NEURL4: variants seen among roughly 807,000 people sequenced by gnomAD.
The protein encoded by NEURL4 is neuralized E3 ubiquitin protein ligase 4.
NEURL4 carries 45 observed loss-of-function variants against 148.0 expected under a neutral mutation model. The ratio of observed to expected loss-of-function variants is 0.30; its 90% confidence interval spans 0.24 to 0.39. The LOEUF is 0.39. Among genes scored for constraint, NEURL4 ranks in the 10% least tolerant of loss-of-function variants. The pLI is 1.00. For missense variants in NEURL4, 1,776 were observed against 2,144.0 expected, an observed-to-expected ratio of 0.83 and a Z score of 3.39; for synonymous variants, 854 against 869.0, an observed-to-expected ratio of 0.98 and a Z score of 0.30.
chr17:7,323,517 C>T lies in NEURL4; in HGVS notation c.2385G>A (p.Met795Ile). The change falls in exon 14 of 29, where the codon ATG becomes ATA. Residue 795 changes from methionine to isoleucine, a missense_variant. Transcript: ENST00000399464. ...RPEDLEFPNT[M>I]TDIDYDTWML... is the part of the protein sequence containing the mutation. ...TCCATGTGTCATAGTCAATGTCTGT[C>T]ATGGTGTTGGGGAATTCCAGGTCTT... 2.5e-6 allele frequency: 4 copies of T among 1,614,222 alleles called. No individual in the cohort carries two copies. Among genetic ancestry groups the T allele is most frequent in the Non-Finnish European group, 2.5e-6 (3 of 1,180,036 alleles).
At position 7,326,888 on chromosome 17, in the gene NEURL4, A is replaced by G; in HGVS notation, c.915T>C (p.Gly305=). The part of the protein sequence containing the change: ...PPAGEGLGSS[G]AATSPILTSN... ...AAGTGAGAATGGGCGAGGTGGCAGCACCGCTAGATCCCAGGCCTTCCCCTG... is the reference window on the plus strand; with the variant it reads ...AAGTGAGAATGGGCGAGGTGGCAGCGCCGCTAGATCCCAGGCCTTCCCCTG... The change falls in exon 4 of 29, where the codon GGT becomes GGC. Residue 305 remains glycine, a synonymous_variant. Coordinates refer to ENST00000399464, the MANE Select transcript of NEURL4 (RefSeq NM_032442.3). This position sits in a 1 kb window ranked among gnomAD's most constrained non-coding sequence, Gnocchi z 6.0. The G allele has an allele frequency of 6.2e-7, 1 of 1,613,986 alleles. No individual in the cohort carries two copies. The highest frequency in any genetic ancestry group is 1.7e-4 in the Middle Eastern group (1 of 6,060).
chr17:7,323,629 CACACAG>C lies in NEURL4; in HGVS notation c.2338+12_2338+17del. On this transcript the variant is annotated intron_variant, in intron 13 of 28. Coordinates refer to ENST00000399464, the MANE Select transcript of NEURL4 (RefSeq NM_032442.3). Reference sequence around the variant, plus strand: ...CACAGACATCCAACAGCCCCCAACACACACAGACGGCCCTCACCAGCCTCAATGGAG... The same window carrying C: ...CACAGACATCCAACAGCCCCCAACACACGGCCCTCACCAGCCTCAATGGAG... 6.2e-7 allele frequency: 1 copy of C among 1,613,708 alleles called. No individual in the cohort carries two copies. The highest frequency in any genetic ancestry group is 8.5e-7 in the Non-Finnish European group (1 of 1,179,746).
rs771297522 is a variant in NEURL4 at position 7,317,583 on chromosome 17, G to A, written c.4206-10C>T. On this transcript the variant is annotated splice_polypyrimidine_tract_variant and intron_variant, in intron 26 of 28. Transcript: ENST00000399464. ...CAGGCGGGGATTCACTCTAGGAGGT[G>A]GACAAGCGGGGCAGATACAACGAAG... The A allele has an allele frequency of 2.5e-6, 4 of 1,612,336 alleles. No homozygotes were observed. The highest frequency in any genetic ancestry group is 2.7e-5 in the African/African-American group (2 of 74,874).
Position 7,324,788 on chromosome 17 carries a change from T to C in NEURL4, c.1813+11A>G. The C allele has an allele frequency of 6.2e-7, 1 of 1,613,952 alleles. No individual in the cohort carries two copies. The highest frequency in any genetic ancestry group is 8.5e-7 in the Non-Finnish European group (1 of 1,179,838). ...AACCCTATCCTGTCCCTGCCCTTCC[T>C]GGGAGCTCACCAGAGCGCAAGTTGG... On this transcript the variant is annotated intron_variant, in intron 9 of 28. Transcript: ENST00000399464. This position sits in a 1 kb window ranked among gnomAD's most constrained non-coding sequence, Gnocchi z 5.9.
In NEURL4 at chr17:7,321,411, T is replaced by C; in HGVS notation, c.3148A>G (p.Ile1050Val). Residue 1050 changes from isoleucine (I) to valine (V), a missense_variant, in exon 19 of 29, where the codon ATC becomes GTC. Transcript: ENST00000399464. The surrounding 1 kb of genome is among the most constrained non-coding windows in gnomAD (Gnocchi z 6.3). ...VRRGADDTMH[I>V]LVDGEDMGPA... ...CCCATATCCTCTCCATCCACCAGGA[T>C]GTGCATCGTGTCATCTGCCCCCCGA... 1 of 1,614,148 alleles carries C rather than the reference T, an allele frequency of 6.2e-7. No homozygotes were observed. The highest frequency in any genetic ancestry group is 1.1e-5 in the South Asian group (1 of 91,092).
chr17:7,318,698 T>G lies in NEURL4; in HGVS notation c.3685-24A>C. The G allele has an allele frequency of 6.3e-7, 1 of 1,588,762 alleles. No homozygotes were observed. The highest frequency in any genetic ancestry group is 8.6e-7 in the Non-Finnish European group (1 of 1,165,618). ...ATCTGGGAGGAGAGACCGGCTGTCTTCCAGAGGTCAGACTCCACCGCGGCA... is the reference window on the plus strand; with the variant it reads ...ATCTGGGAGGAGAGACCGGCTGTCTGCCAGAGGTCAGACTCCACCGCGGCA... On this transcript the variant is annotated intron_variant, in intron 22 of 28. Transcript: ENST00000399464. The surrounding 1 kb of genome is among the most constrained non-coding windows in gnomAD (Gnocchi z 4.3).
intron 21 of NEURL4, among the ~76,000 whole-genome samples, 164 bp from the exon 22 acceptor site, chr17:7,319,372 CTCTT>C (rs1312457401): frequency 1.0e-5 from 1 of 99,206 alleles, no homozygotes; most frequent in Non-Finnish European, 2.1e-5. Context: ...GTTTCTTTCC[CTCTT>C]TTTTTTTTTT....
chr17:7,321,747 A>C lies in NEURL4; in HGVS notation c.2912T>G (p.Leu971Arg). The C allele has an allele frequency of 6.2e-7, 1 of 1,613,654 alleles. No individual in the cohort carries two copies. The highest frequency in any genetic ancestry group is 8.5e-7 in the Non-Finnish European group (1 of 1,180,040). The change falls in exon 18 of 29, where the codon CTG becomes CGG. Residue 971 changes from leucine (L) to arginine (R), a missense_variant. Coordinates refer to ENST00000399464, the MANE Select transcript of NEURL4 (RefSeq NM_032442.3). This position sits in a 1 kb window ranked among gnomAD's most constrained non-coding sequence, Gnocchi z 6.3. ...TGCTAGTGTGGTCAGCCCCAGCCGC[A>C]GGGAACCTGCCCACTTCTCATCTAG... Reference protein sequence around the residue: ...EELDEKWAGSLRLGLTTLAPG... With the variant: ...EELDEKWAGSRRLGLTTLAPG...
chr17:7,319,099 C>A lies in NEURL4; in HGVS notation c.3635G>T (p.Arg1212Leu), dbSNP rs369313958. The A allele has an allele frequency of 1.9e-6, 3 of 1,613,896 alleles. No individual in the cohort carries two copies. The change falls in exon 22 of 29, where the codon CGG becomes CTG. Residue 1212 changes from arginine (R) to leucine (L), a missense_variant. Transcript: ENST00000399464. ...NFPASACALK[R>L]AAWLLRGRGV... ...ACGGCCCCGCAGCAGCCAGGCTGCC[C>A]GTTTGAGGGCACAGGCAGAAGCAGG... is the stretch of plus-strand genomic sequence containing the variant.
rs896812529 is a variant in NEURL4 at position 7,316,728 on chromosome 17, C to T, written c.4485-401G>A. On this transcript the variant is annotated intron_variant, in intron 28 of 28. Coordinates refer to ENST00000399464, the MANE Select transcript of NEURL4 (RefSeq NM_032442.3). Reference sequence around the variant, plus strand: ...CACGAGGTCAGGAGATCGAGACCATCCTGGCCAACATGGCGAAACCCCGTC... The same window carrying T: ...CACGAGGTCAGGAGATCGAGACCATTCTGGCCAACATGGCGAAACCCCGTC... Among the ~76,000 whole-genome samples, 10 of 152,308 alleles carry T rather than the reference C, an allele frequency of 6.6e-5. No individual in the cohort carries two copies. In the South Asian group the frequency reaches 1.0e-3, roughly 16 times the overall value.
Position 7,319,403 on chromosome 17 carries a change from T to TAAA in NEURL4, c.3526-198_3526-196dup, listed in dbSNP as rs71157274. Among the ~76,000 whole-genome samples the TAAA allele has an allele frequency of 1.6e-3, 205 of 131,424 alleles. 3 individuals are homozygous for TAAA. Among genetic ancestry groups the TAAA allele is most frequent in the African/African-American group, 6.2e-3 (190 of 30,440 alleles). The allele number at this position is 131,424 out of a possible 152,430, so 86.2% of individuals were successfully genotyped here. A position where few individuals can be genotyped will look rare whatever the true frequency, so the allele number is the denominator to read the frequency against. ...TTTTTTTTTTTTTTTTTTTTTTTTT[T>TAAA]AAAAAAAAGAACCGCCAGCCGGGCA... On this transcript the variant is annotated intron_variant, in intron 21 of 28. Coordinates refer to ENST00000399464, the MANE Select transcript of NEURL4 (RefSeq NM_032442.3).
At position 7,321,280 on chromosome 17, in the gene NEURL4, G is replaced by T; in HGVS notation, c.3199-7C>A. The T allele has an allele frequency of 6.2e-7, 1 of 1,613,186 alleles. No individual in the cohort carries two copies. The highest frequency in any genetic ancestry group is 8.5e-7 in the Non-Finnish European group (1 of 1,179,342). ...CCAACACAGCCCACACGTTCTGGGAGGCACACAAGACCCAGAAAATCAGAG... is the reference window on the plus strand; with the variant it reads ...CCAACACAGCCCACACGTTCTGGGATGCACACAAGACCCAGAAAATCAGAG... On this transcript the variant is annotated splice_region_variant and splice_polypyrimidine_tract_variant and intron_variant, in intron 19 of 28. Coordinates refer to ENST00000399464, the MANE Select transcript of NEURL4 (RefSeq NM_032442.3). The surrounding 1 kb of genome is among the most constrained non-coding windows in gnomAD (Gnocchi z 6.3).
At chr17:7,316,883 C>T (rs1382163154) in intron 28 of NEURL4, among the ~76,000 whole-genome samples, 1 of 152,052 alleles carries the variant, frequency 6.6e-6, no homozygotes, top group Non-Finnish European at 1.5e-5. Context: ...CGCCACTGCA[C>T]TCCAGCCTGG....
chr17:7,318,883 A>T lies in NEURL4; in HGVS notation c.3684+167T>A. The stretch of plus-strand genomic sequence containing the variant: ...TGGCAGGGACACCGCAGGAAGCAGC[A>T]GGCCTAAGACTGACCAGGCAATGCT... On this transcript the variant is annotated intron_variant, in intron 22 of 28. Coordinates refer to ENST00000399464, the MANE Select transcript of NEURL4 (RefSeq NM_032442.3). The surrounding 1 kb of genome is among the most constrained non-coding windows in gnomAD (Gnocchi z 4.3). 1 of 913,928 alleles carries T rather than the reference A, an allele frequency of 1.1e-6. No homozygotes were observed. Among genetic ancestry groups the T allele is most frequent in the Non-Finnish European group, 1.6e-6 (1 of 614,282 alleles). 56.6% of individuals were successfully genotyped at this position (913,928 alleles called of 1,614,324 possible). A position where few individuals can be genotyped will look rare whatever the true frequency, so the allele number is the denominator to read the frequency against.
Position 7,325,686 on chromosome 17 carries a change from TC to T in NEURL4, c.1320del (p.Lys441SerfsTer21). ...AAGAAGTGTAGGGCAGAGTTGGACT[TC>T]CTTGTGAGGCCAATGTGGTCACCCT... is the stretch of plus-strand genomic sequence containing the variant. ...LQEGDHIGLT[R>X]KSNSALHFFI... On this transcript the variant is annotated frameshift_variant, in exon 7 of 29. Coordinates refer to ENST00000399464, the MANE Select transcript of NEURL4 (RefSeq NM_032442.3). LOFTEE classifies it high-confidence loss of function. 6.2e-7 allele frequency: 1 copy of T among 1,613,646 alleles called. No homozygotes were observed. Among genetic ancestry groups the T allele is most frequent in the Non-Finnish European group, 8.5e-7 (1 of 1,179,898 alleles).
Position 7,320,908 on chromosome 17 carries a change from C to T in NEURL4, c.3376G>A (p.Gly1126Ser). 4 of 1,613,914 alleles carry T rather than the reference C, an allele frequency of 2.5e-6. No individual in the cohort carries two copies. In the South Asian group the frequency reaches 3.3e-5, roughly 13 times the overall value. ...EHGLGGQNEVGIIPTTLEFLE... is the reference protein window; with the variant it reads ...EHGLGGQNEVSIIPTTLEFLE... ...AACTCGAGGGTGGTGGGTATAATAC[C>T]CACTTCATTCTGGCCCTGGTGTGGA... Residue 1126 changes from glycine to serine, a missense_variant, in exon 21 of 29, where the codon GGT becomes AGT. Physicochemically the swap from Gly to Ser is moderately conservative, Grantham distance 56 (BLOSUM62 0). Transcript: ENST00000399464.
chr17:7,329,027 G>A lies in NEURL4; in HGVS notation c.282+4C>T, dbSNP rs1259024065. The A allele has an allele frequency of 1.3e-6, 2 of 1,571,544 alleles. No individual in the cohort carries two copies. The highest frequency in any genetic ancestry group is 3.5e-5 in the Admixed American group (2 of 56,630). ...ATCTCTGTTCCGCGGTACCAGCGCT[G>A]CACCTTGCGGTCGATGCGGACGGTG... On this transcript the variant is annotated splice_donor_region_variant and intron_variant, in intron 1 of 28. Transcript: ENST00000399464.
rs1362866621 is a variant in NEURL4, at chr17:7,321,215, G to A, written c.3257C>T (p.Ser1086Phe). Residue 1086 changes from serine to phenylalanine, a missense_variant, in exon 20 of 29, where the codon TCC becomes TTC. Transcript: ENST00000399464. The surrounding 1 kb of genome is among the most constrained non-coding windows in gnomAD (Gnocchi z 6.3). Reference sequence around the variant, plus strand: ...GCCTTCTGACTCCTCCAGTCTCGTGGAACTGACAATTGACACACCGCGGAC... The same window carrying A: ...GCCTTCTGACTCCTCCAGTCTCGTGAAACTGACAATTGACACACCGCGGAC... ...GPVRGVSIVS[S>F]TRLEESEGTQ... 3 of 1,613,962 alleles carry A rather than the reference G, an allele frequency of 1.9e-6. No homozygotes were observed.
In NEURL4 at chr17:7,326,369, C is replaced by T. The variant is rs376939693; in HGVS notation, c.1205-26G>A. 3.8e-5 allele frequency: 62 copies of T among 1,613,996 alleles called. No individual in the cohort carries two copies. The East Asian group carries it at 6.9e-4, about 18-fold the overall frequency. ...CTGGGTGATAGTGGACACTTGGGTT[C>T]GGGTACGGGGCTTCCTTCCCCTCAG... On this transcript the variant is annotated intron_variant, in intron 5 of 28. Coordinates refer to ENST00000399464, the MANE Select transcript of NEURL4 (RefSeq NM_032442.3). The surrounding 1 kb of genome is among the most constrained non-coding windows in gnomAD (Gnocchi z 6.0).
Sources: gnomAD v4.1 joint callset for allele counts (sites outside exome capture counted in the v4.1 genomes callset) on GRCh38, gnomAD v4.1.1 for gene constraint, Gnocchi (gnomAD v3.1) non-coding constraint, MANE v1.5 for transcripts, NCBI Gene and HGNC (gene_info 2026-07-23, HGNC 2026-07-21) for gene names.